Variants in TMEM67 observed in about 807,000 individuals in gnomAD.
TMEM67 encodes meckelin.
TMEM67 carries 124 observed loss-of-function variants against 136.6 expected under a neutral mutation model. That is an observed-to-expected ratio of 0.91 (90% CI 0.78 to 1.05). TMEM67 has a LOEUF of 1.05. Among genes scored for constraint, TMEM67 ranks in the 50% least tolerant of loss-of-function variants. TMEM67 has a pLI of 0.00. For synonymous variants in TMEM67, 364 were observed against 390.5 expected (o/e 0.93, Z 0.80); for missense variants, 1,107 against 1,178.4 (o/e 0.94, Z 0.89).
rs1457823338 is a variant in TMEM67, at chr8:93,804,863, C to G, written c.2424C>G (p.Asn808Lys). 1 of 1,572,670 alleles carries G rather than the reference C, an allele frequency of 6.4e-7. No homozygotes were observed. The highest frequency in any genetic ancestry group is 1.7e-5 in the Admixed American group (1 of 59,912). The change falls in exon 23 of 28, where the codon AAC (asparagine) becomes AAG (lysine). Residue 808 changes from asparagine (N) to lysine (K), a missense_variant. Coordinates refer to ENST00000453321, the MANE Select transcript of TMEM67 (RefSeq NM_153704.6). ...ADTNMEEMNM[N>K]LKREAENLCS... ...CTAATATGGAAGAAATGAATATGAACCTTAAAAGAGAAGCGGTATGAAAAT... is the reference window on the plus strand; with the variant it reads ...CTAATATGGAAGAAATGAATATGAAGCTTAAAAGAGAAGCGGTATGAAAAT...
At chr8:93,782,528 G>C in intron 11 of TMEM67, 68 bp downstream of exon 11, 1 of 1,134,936 alleles carries the variant, frequency 8.8e-7, no homozygotes, top group South Asian at 1.4e-5. Flanking sequence ...GCAGTAATTG[G>C]AATAATACTT....
At chr8:93,792,426 G>A (rs961635896) in intron 15 of TMEM67, among the ~76,000 whole-genome samples, 6 of 151,466 alleles carry the variant, frequency 4.0e-5, no homozygotes, top group East Asian at 2.0e-4. Flanking sequence ...CGCCCGTCTC[G>A]GCCTCCCAAA....
rs773094277 is a variant in TMEM67, at chr8:93,809,122, T to A, written c.2622T>A (p.Tyr874Ter). ...ASTFEQSIKA[Y>*]HMMNKFLGSF... is the part of the protein sequence containing the mutation. ...CTTTTGAGCAGAGTATAAAAGCATATCATATGATGAATAAATTTCTTGGCT... is the reference window on the plus strand; with the variant it reads ...CTTTTGAGCAGAGTATAAAAGCATAACATATGATGAATAAATTTCTTGGCT... Residue 874 changes from tyrosine to a stop codon, truncating the protein, a stop_gained, in exon 25 of 28, where the codon TAT becomes TAA. Transcript: ENST00000453321. LOFTEE classifies it high-confidence loss of function. 1.2e-6 allele frequency: 2 copies of A among 1,608,596 alleles called. No homozygotes were observed. Among genetic ancestry groups the A allele is most frequent in the Non-Finnish European group, 1.7e-6 (2 of 1,175,602 alleles).
rs1274413047 is a variant in TMEM67, at chr8:93,803,683, A to C, written c.2321A>C (p.Asn774Thr). 6.5e-7 allele frequency: 1 copy of C among 1,530,024 alleles called. No individual in the cohort carries two copies. Among genetic ancestry groups the C allele is most frequent in the Non-Finnish European group, 9.1e-7 (1 of 1,104,070 alleles). The allele number at this position is 1,530,024 out of a possible 1,614,324, so 94.8% of individuals were successfully genotyped here. ...RQFVDLCSMS[N>T]ISVFLLSHKC... ...TTCGTTGATTTATGCTCTATGAGTA[A>C]TGTAAGTACTTTCTGACTTCATCTT... The change falls in exon 22 of 28, where the codon AAT becomes ACT. Residue 774 changes from asparagine (N) to threonine (T), a missense_variant and splice_region_variant. Physicochemically the swap from Asn to Thr is moderately conservative, Grantham distance 65. Coordinates refer to ENST00000453321, the MANE Select transcript of TMEM67 (RefSeq NM_153704.6).
At chr8:93,796,144 A>G (rs1221987755) in intron 18 of TMEM67, among the ~76,000 whole-genome samples, 157 bp downstream of exon 18, 3 of 152,236 alleles carry the variant, frequency 2.0e-5, no homozygotes, top group Admixed American at 2.0e-4. Flanking sequence ...ACTTTTATTT[A>G]TAGTAGATGC....
intron 20 of TMEM67, 147 bp downstream of exon 20, chr8:93,797,617 T>C: frequency 1.3e-6 from 1 of 750,468 alleles, no homozygotes; most frequent in Non-Finnish European, 2.2e-6. Flanking sequence ...GGAGTACCTT[T>C]ATGTTACGTA....
At chr8:93,773,933 G>A (rs1178373816) in intron 7 of TMEM67, among the ~76,000 whole-genome samples, 1 of 151,878 alleles carries the variant, frequency 6.6e-6, no homozygotes, top group African/African-American at 2.4e-5. Flanking sequence ...CTCTTCCCAA[G>A]TGGAAAGTTT....
At chr8:93,755,191 C>T in intron 1 of TMEM67, 54 bp downstream of exon 1, 5 of 1,484,590 alleles carry the variant, frequency 3.4e-6, no homozygotes, top group South Asian at 1.1e-5. Flanking sequence ...CCTTGGTCGG[C>T]CCCTAGTCCC....
At chr8:93,807,365 T>A (rs956739305) in intron 23 of TMEM67, among the ~76,000 whole-genome samples, 6 of 152,164 alleles carry the variant, frequency 3.9e-5, no homozygotes, top group African/African-American at 1.4e-4. Context: ...AGGGGAAAAG[T>A]ATGTAAAAAT....
chr8:93,799,904 C>CTTTTTT lies in TMEM67; in HGVS notation c.2241+162_2241+167dup, dbSNP rs35554591. 109 of 347,866 alleles carry CTTTTTT rather than the reference C, an allele frequency of 3.1e-4. 1 individual carries two copies. Among genetic ancestry groups the CTTTTTT allele is most frequent in the Admixed American group, 4.7e-4 (9 of 19,214 alleles). 21.5% of individuals were successfully genotyped at this position (347,866 alleles called of 1,614,324 possible). On this transcript the variant is annotated intron_variant, in intron 21 of 27. Coordinates refer to ENST00000453321, the MANE Select transcript of TMEM67 (RefSeq NM_153704.6). ...CAAGAACAATAGCTAATGGTCAGTTCTTTTTTTTTTTTTTTTTTTTTGAAA... is the reference window on the plus strand; with the variant it reads ...CAAGAACAATAGCTAATGGTCAGTTCTTTTTTTTTTTTTTTTTTTTTTTTTTTGAAA...
At position 93,785,233 on chromosome 8, in the gene TMEM67, T is replaced by C. The variant is rs1315807334; in HGVS notation, c.1143T>C (p.Pro381=). ...GTTYQQNCEI[P]ISKILIDFPT... is the part of the protein sequence containing the mutation. The stretch of plus-strand genomic sequence containing the variant: ...ATTTTACTTTTCAGTGTGAGATTCC[T>C]ATCTCTAAGATCTTAATTGACTTTC... The change falls in exon 12 of 28, where the codon CCT becomes CCC. Residue 381 remains proline (P), a synonymous_variant. Coordinates refer to ENST00000453321, the MANE Select transcript of TMEM67 (RefSeq NM_153704.6). The C allele has an allele frequency of 2.0e-5, 32 of 1,580,624 alleles. No individual in the cohort carries two copies. Among genetic ancestry groups the C allele is most frequent in the Non-Finnish European group, 2.8e-5 (32 of 1,151,122 alleles).
intron 9 of TMEM67, among the ~76,000 whole-genome samples, chr8:93,781,368 A>G (rs976734299): frequency 3.3e-5 from 5 of 152,166 alleles, no homozygotes; most frequent in Admixed American, 2.0e-4. Context: ...GACCTTCCAG[A>G]ATGAGGAGAT....
intron 6 of TMEM67, 26 bp from the exon 7 acceptor site, chr8:93,772,563 A>G: frequency 6.3e-7 from 1 of 1,591,742 alleles, no homozygotes; most frequent in Non-Finnish European, 8.6e-7. Context: ...TGAACTTAAA[A>G]ATAAAATGTA....
chr8:93,777,335 T>C (rs2130646080), intron 7 of TMEM67, among the ~76,000 whole-genome samples: 1 of 152,322 alleles, frequency 6.6e-6, no homozygotes, highest in Non-Finnish European at 1.5e-5. Context: ...GAAGGGTTTT[T>C]TGTGTCTCTA....
At chr8:93,755,272 C>T in intron 1 of TMEM67, 135 bp downstream of exon 1, 2 of 884,836 alleles carry the variant, frequency 2.3e-6, no homozygotes, top group Non-Finnish European at 3.7e-6. Flanking sequence ...CACCCGCCTC[C>T]GCCTCCCAAA....
At chr8:93,792,813 C>T (rs1183977512) in intron 15 of TMEM67, among the ~76,000 whole-genome samples, 3 of 150,208 alleles carry the variant, frequency 2.0e-5, no homozygotes, top group African/African-American at 7.4e-5. Flanking sequence ...CTCTGTCGCC[C>T]AGGCTGGAGT....
In TMEM67 at chr8:93,808,338, A is replaced by T. The variant is rs930017399; in HGVS notation, c.2440-502A>T. On this transcript the variant is annotated intron_variant, in intron 23 of 27. Transcript: ENST00000453321. Reference sequence around the variant, plus strand: ...TATAGACAATAAATTATAGATAATAAATATATATATTTATTATAGATATAT... The same window carrying T: ...TATAGACAATAAATTATAGATAATATATATATATATTTATTATAGATATAT... Among the ~76,000 whole-genome samples the T allele has an allele frequency of 9.9e-4, 138 of 139,868 alleles. 2 individuals are homozygous for T. Among genetic ancestry groups the T allele is most frequent in the African/African-American group, 2.9e-3 (113 of 38,460 alleles). 91.8% of individuals were successfully genotyped at this position (139,868 alleles called of 152,430 possible).
At chr8:93,827,403 AC>A in the TMEM67 span, among the ~76,000 whole-genome samples, 1 of 151,922 alleles carries the variant, frequency 6.6e-6, no homozygotes, top group African/African-American at 2.4e-5. Context: ...TAAAAAAGAC[AC>A]AGAGTCTCAT....
chr8:93,755,014 T>G lies in TMEM67; in HGVS notation c.100T>G (p.Leu34Val), dbSNP rs1408308437. 6.2e-7 allele frequency: 1 copy of G among 1,614,206 alleles called. No homozygotes were observed. Among genetic ancestry groups the G allele is most frequent in the Admixed American group, 1.7e-5 (1 of 60,030 alleles). ...CCTTCTGTTGTTCCTCCCTCGCTTC[T>G]TACAGGCCCAGACCTTCTCTTTCCC... Reference protein sequence around the residue: ...AFLLLFLPRFLQAQTFSFPFQ... With the variant: ...AFLLLFLPRFVQAQTFSFPFQ... Residue 34 changes from leucine (L) to valine (V), a missense_variant, in exon 1 of 28, where the codon TTA (leucine) becomes GTA (valine). Physicochemically the swap from Leu to Val is conservative, Grantham distance 32. Around this residue, in one of 3 missense-constraint regions of TMEM67, gnomAD observed 178 missense variants for 159.2 expected, o/e 1.12. Transcript: ENST00000453321.
Sources: gnomAD v4.1 joint callset for allele counts (sites outside exome capture counted in the v4.1 genomes callset) on GRCh38, gnomAD v4.1.1 for gene constraint, gnomAD v4.1.1 regional missense constraint, MANE v1.5 for transcripts, NCBI Gene and HGNC (gene_info 2026-07-23, HGNC 2026-07-21) for gene names.